CLASP1: variants seen among roughly 807,000 people sequenced by gnomAD.
CLASP1 encodes the protein cytoplasmic linker associated protein 1.
Under a neutral mutation model 192.3 loss-of-function variants are expected in CLASP1, and 38 were observed. The observed-to-expected ratio is 0.20, with a 90% CI of 0.15 to 0.26. The LOEUF (loss-of-function observed/expected upper bound fraction) is 0.26, where lower values mean the gene tolerates loss of function less well. Ranked by LOEUF, CLASP1 falls within the 10% of genes least tolerant of loss-of-function variation. The pLI is 1.00. For missense variants in CLASP1, 1,433 were observed against 1,932.5 expected (o/e 0.74, Z 4.85); for synonymous variants, 691 against 712.8 (o/e 0.97, Z 0.49).
At chr2:121,634,576 T>C (rs1264012392) in intron 1 of CLASP1, among the ~76,000 whole-genome samples, 3 of 152,312 alleles carry the variant, frequency 2.0e-5, no homozygotes, top group Middle Eastern at 6.8e-3. Context: ...CTAAATACTG[T>C]CCCTTTGTCC....
In CLASP1 at chr2:121,522,718, G is replaced by A. The variant is rs115241707; in HGVS notation, c.546+3127C>T. The stretch of plus-strand genomic sequence containing the variant: ...TTTTTGGTAGTGAAACTAGTGTCTG[G>A]TATATGGCAGTATGTGTATAGTCTA... On this transcript the variant is annotated intron_variant, in intron 6 of 39. Coordinates refer to ENST00000263710, the Ensembl canonical transcript of CLASP1. 4.2e-3 allele frequency among the ~76,000 whole-genome samples: 641 copies of A among 152,210 alleles called. 9 individuals carry two copies. Among genetic ancestry groups the A allele is most frequent in the African/African-American group, 0.014 (590 of 41,512 alleles).
rs56965310 is a variant in CLASP1, at chr2:121,554,454, T to TA, written c.196-24130dup. ...AGGAAGACCCTGCCTCTACAAAAAG[T>TA]AAAAAAAAAAAAAAAAAAAAAAAAA... On this transcript the variant is annotated intron_variant, in intron 2 of 39. Transcript: ENST00000263710. Among the ~76,000 whole-genome samples the TA allele has an allele frequency of 8.2e-3, 719 of 87,532 alleles. 19 individuals carry two copies. Among genetic ancestry groups the TA allele is most frequent in the African/African-American group, 9.1e-3 (207 of 22,698 alleles). The allele number at this position is 87,532 out of a possible 152,430, so 57.4% of individuals were successfully genotyped here. A position where few individuals can be genotyped will look rare whatever the true frequency, so the allele number is the denominator to read the frequency against.
chr2:121,591,972 TGATTTCTCTG>T lies in CLASP1; in HGVS notation c.195+13719_195+13728del, dbSNP rs2062453550. ...TTCTCTACTTCGAGCCATTTTCATCTGATTTCTCTGGATTTCTTACCATGGTCCTTGTCAC... is the reference window on the plus strand; with the variant it reads ...TTCTCTACTTCGAGCCATTTTCATCTGATTTCTTACCATGGTCCTTGTCAC... On this transcript the variant is annotated intron_variant, in intron 2 of 39. Transcript: ENST00000263710. Among the ~76,000 whole-genome samples the T allele has an allele frequency of 2.6e-5, 4 of 152,244 alleles. No individual in the cohort carries two copies. In the South Asian group the frequency reaches 8.3e-4, roughly 32 times the overall value.
At chr2:121,478,826 C>T (rs2092145845) in intron 8 of CLASP1, among the ~76,000 whole-genome samples, 1 of 71,580 alleles carries the variant, frequency 1.4e-5, no homozygotes, top group Admixed American at 1.4e-4. Flanking sequence ...CACACAACCA[C>T]ACACCACACA....
At chr2:121,372,492 G>A (rs1300627273) in intron 34 of CLASP1, among the ~76,000 whole-genome samples, 6 of 152,162 alleles carry the variant, frequency 3.9e-5, no homozygotes, top group Admixed American at 1.3e-4. Flanking sequence ...CCAAAGTCTC[G>A]ATGGATATAT....
chr2:121,446,371 G>T (rs1407076515), intron 19 of CLASP1, among the ~76,000 whole-genome samples: 1 of 152,154 alleles, frequency 6.6e-6, no homozygotes, highest in Non-Finnish European at 1.5e-5. Context: ...GTCACAGAGC[G>T]AATAAATGGC....
chr2:121,524,716 TA>T (rs984694057), intron 6 of CLASP1, among the ~76,000 whole-genome samples: 10 of 152,134 alleles, frequency 6.6e-5, no homozygotes, highest in African/African-American at 2.4e-4. Context: ...CTTGGCCTCC[TA>T]AAGTGCTGGG....
intron 7 of CLASP1, among the ~76,000 whole-genome samples, chr2:121,504,445 T>C (rs971677947): frequency 2.0e-5 from 3 of 152,208 alleles, no homozygotes; most frequent in Non-Finnish European, 4.4e-5. Flanking sequence ...AGATGTGAGC[T>C]ACATTCTTTT....
In CLASP1 at chr2:121,460,237, A is replaced by G. The variant is rs543069670; in HGVS notation, c.1033-112T>C. 4.1e-5 allele frequency: 34 copies of G among 826,164 alleles called. 1 individual carries two copies. The East Asian group carries it at 8.7e-4, about 21-fold the overall frequency. 51.2% of individuals were successfully genotyped at this position (826,164 alleles called of 1,614,324 possible). A position where few individuals can be genotyped will look rare whatever the true frequency, so the allele number is the denominator to read the frequency against. On this transcript the variant is annotated intron_variant, in intron 11 of 39. Coordinates refer to ENST00000263710, the Ensembl canonical transcript of CLASP1. ...GATCATTGTTAAAGTTCAACTGATTAGAAAGCTTTCCCAAAAGAATTCAGC... is the reference window on the plus strand; with the variant it reads ...GATCATTGTTAAAGTTCAACTGATTGGAAAGCTTTCCCAAAAGAATTCAGC...
chr2:121,407,544 T>C, exon 25 of CLASP1: 2 of 1,614,024 alleles, frequency 1.2e-6, no homozygotes, highest in South Asian at 1.1e-5. Context: ...CAGTTTGAAC[T>C]AGCACAGTGG....
At chr2:121,387,456 G>C (rs948370025) in intron 31 of CLASP1, among the ~76,000 whole-genome samples, 2 of 152,050 alleles carry the variant, frequency 1.3e-5, no homozygotes, top group Non-Finnish European at 2.9e-5. Context: ...GGGTGTGCTA[G>C]AGTGACAGAC....
At chr2:121,433,409 A>C (rs1337951187) in intron 19 of CLASP1, among the ~76,000 whole-genome samples, 1 of 151,428 alleles carries the variant, frequency 6.6e-6, no homozygotes, top group Non-Finnish European at 1.5e-5. Context: ...TGATGTTTTG[A>C]TCTTTTTAGA....
intron 2 of CLASP1, among the ~76,000 whole-genome samples, chr2:121,535,278 T>C (rs1445521006): frequency 6.6e-6 from 1 of 152,182 alleles, no homozygotes; most frequent in Non-Finnish European, 1.5e-5. Context: ...AGAGACACCT[T>C]GTCTCAATAA....
chr2:121,517,858 C>CTTTTTTTTTTTTTTT (rs70954553), intron 6 of CLASP1, among the ~76,000 whole-genome samples: 3 of 30,820 alleles, frequency 9.7e-5, no homozygotes, highest in African/African-American at 4.3e-4. Flanking sequence ...AAGACTCAAG[C>CTTTTTTTTTTTTTTT]TTTTTTTTTT....
At chr2:121,360,239 G>T (rs1179296412) in intron 37 of CLASP1, among the ~76,000 whole-genome samples, 1 of 152,152 alleles carries the variant, frequency 6.6e-6, no homozygotes, top group East Asian at 1.9e-4. Flanking sequence ...TTTTGTCTGG[G>T]AATATAAAAC....
At position 121,409,737 on chromosome 2, in the gene CLASP1, C is replaced by T. The variant is rs2077424189; in HGVS notation, c.2424+1129G>A. Among the ~76,000 whole-genome samples the T allele has an allele frequency of 2.6e-5, 4 of 152,156 alleles. No homozygotes were observed. The South Asian group carries it at 8.3e-4, about 32-fold the overall frequency. On this transcript the variant is annotated intron_variant, in intron 24 of 39. Coordinates refer to ENST00000263710, the Ensembl canonical transcript of CLASP1. The stretch of plus-strand genomic sequence containing the variant: ...AAGATACAGATTCTAAATGCTGCAA[C>T]TTGGAAGGACAAACAGCTTCAGATA...
exon 20 of CLASP1, chr2:121,430,130 C>T (rs761211165): frequency 1.3e-5 from 21 of 1,578,366 alleles, no homozygotes; most frequent in Middle Eastern, 3.3e-4. Flanking sequence ...GGTGTAGAGG[C>T]GACGTTGGTG....
chr2:121,349,464 G>A (rs2063959046), intron 37 of CLASP1, among the ~76,000 whole-genome samples: 1 of 152,132 alleles, frequency 6.6e-6, no homozygotes, highest in African/African-American at 2.4e-5. Flanking sequence ...CTCCGCCCTA[G>A]AAGACTAGGA....
chr2:121,353,284 T>C (rs1280184591), intron 37 of CLASP1, among the ~76,000 whole-genome samples: 1 of 152,012 alleles, frequency 6.6e-6, no homozygotes, highest in East Asian at 1.9e-4. Context: ...TTGCTGGGGA[T>C]CGGGGGTGAA....
Sources: allele counts gnomAD v4.1 joint callset (sites outside exome capture counted in the v4.1 genomes callset), GRCh38; gene constraint gnomAD v4.1.1; transcripts MANE v1.5; gene names NCBI Gene and HGNC (gene_info 2026-07-23, HGNC 2026-07-21).